The following SEL1L3 variants were observed in gnomAD, a reference collection of about 807,000 sequenced individuals.
SEL1L3 encodes SEL1L family member 3.
SEL1L3 carries 76 observed loss-of-function variants against 142.8 expected under a neutral mutation model. The observed-to-expected ratio is 0.53, with a 90% CI of 0.44 to 0.64. SEL1L3 has a LOEUF of 0.64. Among genes scored for constraint, SEL1L3 ranks in the 30% least tolerant of loss-of-function variants. The pLI, the probability that SEL1L3 is intolerant of heterozygous loss-of-function variation, is 0.00. For missense variants in SEL1L3, 1,262 were observed against 1,381.7 expected, an observed-to-expected ratio of 0.91 and a Z score of 1.37; for synonymous variants, 504 against 519.6, an observed-to-expected ratio of 0.97 and a Z score of 0.41.
intron 11 of SEL1L3, among the ~76,000 whole-genome samples, chr4:25,795,596 A>G (rs1712679253): frequency 6.6e-6 from 1 of 152,206 alleles, no homozygotes; most frequent in African/African-American, 2.4e-5. Context: ...GGTGAGAAAC[A>G]CACAGAGGTA....
chr4:25,860,226 C>T (rs982115691), intron 1 of SEL1L3, among the ~76,000 whole-genome samples: 16 of 152,232 alleles, frequency 1.1e-4, no homozygotes, highest in African/African-American at 3.1e-4. Flanking sequence ...TGTAAGCTAT[C>T]GTTATTACCA....
chr4:25,745,435 G>C (rs1386606766), downstream of SEL1L3, among the ~76,000 whole-genome samples: 1 of 150,596 alleles, frequency 6.6e-6, no homozygotes, highest in Non-Finnish European at 1.5e-5. Context: ...GAATTGAGCA[G>C]AGTGAGAAGC....
downstream of SEL1L3, among the ~76,000 whole-genome samples, chr4:25,746,197 C>T (rs1717255674): frequency 6.6e-6 from 1 of 151,502 alleles, no homozygotes; most frequent in Non-Finnish European, 1.5e-5. Context: ...AAGTGTGTGG[C>T]AAAAAATATA....
intron 1 of SEL1L3, 72 bp from the exon 2 acceptor site, chr4:25,847,936 A>G (rs2109310241): frequency 1.1e-6 from 1 of 906,988 alleles, no homozygotes; most frequent in South Asian, 1.9e-5. Flanking sequence ...TACTTGAATC[A>G]TTATTTTCCT....
intron 7 of SEL1L3, among the ~76,000 whole-genome samples, chr4:25,820,429 C>T (rs1042639157): frequency 1.3e-5 from 2 of 152,242 alleles, no homozygotes; most frequent in African/African-American, 2.4e-5. Flanking sequence ...TCCGTTCCTG[C>T]CTCAGCACTC....
At chr4:25,823,033 A>AT (rs1299362830) in intron 6 of SEL1L3, among the ~76,000 whole-genome samples, 1 of 152,170 alleles carries the variant, frequency 6.6e-6, no homozygotes, top group South Asian at 2.1e-4. Context: ...AGGCTAACAG[A>AT]TTTTTTTCAT....
chr4:25,762,705 G>A (rs1350758199), intron 20 of SEL1L3, among the ~76,000 whole-genome samples: 1 of 152,148 alleles, frequency 6.6e-6, no homozygotes, highest in Non-Finnish European at 1.5e-5. Flanking sequence ...CGGTGGCCAG[G>A]TGCGGTGCTC....
At chr4:25,787,884 T>A (rs1220122131) in intron 13 of SEL1L3, among the ~76,000 whole-genome samples, 1 of 152,190 alleles carries the variant, frequency 6.6e-6, no homozygotes, top group African/African-American at 2.4e-5. Flanking sequence ...TAAGCTGTAA[T>A]TAAAAGAGAA....
chr4:25,818,893 C>A (rs1275726393), intron 8 of SEL1L3, among the ~76,000 whole-genome samples: 2 of 152,188 alleles, frequency 1.3e-5, no homozygotes, highest in Admixed American at 1.3e-4. Context: ...TCACCTGTCA[C>A]CATCTGTAAT....
At chr4:25,858,146 A>T (rs1014957810) in intron 1 of SEL1L3, among the ~76,000 whole-genome samples, 1 of 152,250 alleles carries the variant, frequency 6.6e-6, no homozygotes, top group Non-Finnish European at 1.5e-5. Context: ...GTTTCCAGCG[A>T]ATTGCCTGGG....
chr4:25,808,431 C>A (rs769512937), intron 9 of SEL1L3, among the ~76,000 whole-genome samples: 4 of 152,048 alleles, frequency 2.6e-5, no homozygotes, highest in Non-Finnish European at 4.4e-5. Flanking sequence ...TTAGAAGAGG[C>A]AAAAAGCAGA....
intron 11 of SEL1L3, among the ~76,000 whole-genome samples, chr4:25,793,449 A>AT (rs565431909): frequency 7.2e-4 from 109 of 151,544 alleles, no homozygotes; most frequent in Non-Finnish European, 1.3e-3. Flanking sequence ...AAGCCCAGCT[A>AT]TTTTTTTTGT....
chr4:25,784,448 TATC>T (rs1400436426), intron 13 of SEL1L3, among the ~76,000 whole-genome samples, 158 bp from the exon 14 acceptor site: 2 of 152,228 alleles, frequency 1.3e-5, no homozygotes, highest in African/African-American at 4.8e-5. Context: ...GCTATTTCAT[TATC>T]ATCATCATTA....
At chr4:25,774,177 C>T (rs1000487081) in intron 17 of SEL1L3, among the ~76,000 whole-genome samples, 1 of 152,192 alleles carries the variant, frequency 6.6e-6, no homozygotes, top group Non-Finnish European at 1.5e-5. Flanking sequence ...GGTAGGATTC[C>T]GGGGCAGAGG....
intron 5 of SEL1L3, among the ~76,000 whole-genome samples, chr4:25,831,229 T>C (rs1715416061): frequency 6.6e-6 from 1 of 152,172 alleles, no homozygotes. Flanking sequence ...AACTCCCTGA[T>C]ATCCAAGATT....
chr4:25,849,666 T>C (rs1410978926), intron 1 of SEL1L3, among the ~76,000 whole-genome samples: 2 of 152,126 alleles, frequency 1.3e-5, no homozygotes, highest in African/African-American at 4.8e-5. Flanking sequence ...TTAGAAATGA[T>C]TAAAAAGGTA....
chr4:25,723,831 C>T, the SEL1L3 span, among the ~76,000 whole-genome samples: 1 of 152,136 alleles, frequency 6.6e-6, no homozygotes, highest in Non-Finnish European at 1.5e-5. Flanking sequence ...AGCGGAGATT[C>T]ACCAATAAAT....
chr4:25,774,474 G>C (rs987940193), intron 17 of SEL1L3, among the ~76,000 whole-genome samples: 1 of 152,162 alleles, frequency 6.6e-6, no homozygotes, highest in African/African-American at 2.4e-5. Context: ...ATGAGGCTGA[G>C]TATTAAGAAA....
chr4:25,754,194 C>T (rs1393007828), intron 23 of SEL1L3, among the ~76,000 whole-genome samples: 7 of 150,914 alleles, frequency 4.6e-5, no homozygotes, highest in East Asian at 2.0e-4. Context: ...CCCAGCTACT[C>T]GGGAGGCTGA....
Sources: allele counts gnomAD v4.1 joint callset (sites outside exome capture counted in the v4.1 genomes callset), GRCh38; gene constraint gnomAD v4.1.1; transcripts MANE v1.5; gene names NCBI Gene and HGNC (gene_info 2026-07-23, HGNC 2026-07-21).